The following ACY3 variants were observed in gnomAD, a reference collection of about 807,000 sequenced individuals.
ACY3 encodes the protein aminoacylase 3.
A neutral mutation model predicts 24.6 loss-of-function variants in ACY3; 20 were observed. That is an observed-to-expected ratio of 0.81 (90% CI 0.57 to 1.18). The LOEUF (loss-of-function observed/expected upper bound fraction) is 1.18, where lower values mean the gene tolerates loss of function less well. ACY3 is among the 50% of genes most tolerant of loss of function. The pLI is 0.00. For synonymous variants in ACY3, 174 were observed against 188.4 expected, an observed-to-expected ratio of 0.92 and a Z score of 0.62; for missense variants, 423 against 426.8, an observed-to-expected ratio of 0.99 and a Z score of 0.08.
chr11:67,643,418 G>A (rs976384635), intron 7 of ACY3, among the ~76,000 whole-genome samples: 9 of 152,158 alleles, frequency 5.9e-5, no homozygotes, highest in East Asian at 1.9e-4. Flanking sequence ...AGTGGCTCAC[G>A]CCTGTAATCC....
intron 1 of ACY3, among the ~76,000 whole-genome samples, chr11:67,650,171 G>A (rs2514042): frequency 6.6e-6 from 1 of 152,022 alleles, no homozygotes; most frequent in Non-Finnish European, 1.5e-5. Context: ...GCATCATCAC[G>A]GGGGCCAATT....
intron 1 of ACY3, among the ~76,000 whole-genome samples, chr11:67,649,806 TTGTGTGCA>T (rs1565240530): frequency 7.0e-6 from 1 of 142,654 alleles, no homozygotes; most frequent in Non-Finnish European, 1.5e-5. Context: ...CATGAGAGTA[TTGTGTGCA>T]TGTGTGCATG....
At chr11:67,649,998 G>A (rs1237639350) in intron 1 of ACY3, among the ~76,000 whole-genome samples, 1 of 152,238 alleles carries the variant, frequency 6.6e-6, no homozygotes, top group East Asian at 1.9e-4. Context: ...CAGGCTGTGT[G>A]ACCTGGAGAG....
At position 67,644,374 on chromosome 11, in the gene ACY3, G is replaced by A. The variant is rs375164696; in HGVS notation, c.744+386C>T. Among the ~76,000 whole-genome samples the A allele has an allele frequency of 5.3e-4, 80 of 152,306 alleles. No homozygotes were observed. In the Middle Eastern group the frequency reaches 0.014, roughly 26 times the overall value. ...ACTGCCAACATGCATGGGGATGCTC[G>A]AGGAACCAATTGAAAATCAGAAGAG... On this transcript the variant is annotated intron_variant, in intron 7 of 7. Coordinates refer to ENST00000255082, the MANE Select transcript of ACY3 (RefSeq NM_080658.2).
chr11:67,648,863 G>A (rs1375202890), intron 1 of ACY3, among the ~76,000 whole-genome samples: 1 of 152,226 alleles, frequency 6.6e-6, no homozygotes, highest in Non-Finnish European at 1.5e-5. Flanking sequence ...TCTTGACAGG[G>A]TGTCAAGAGG....
At chr11:67,650,562 A>T (rs964454638) in intron 1 of ACY3, 21 bp downstream of exon 1, 3 of 151,924 alleles carry the variant, frequency 2.0e-5, no homozygotes, top group African/African-American at 4.8e-5. Flanking sequence ...GGGCCGCGGC[A>T]CCTTCCCCGG....
In ACY3 at chr11:67,642,691, G is replaced by C. The variant is rs758931906; in HGVS notation, c.*33C>G. The C allele has an allele frequency of 1.9e-6, 3 of 1,606,126 alleles. No individual in the cohort carries two copies. In the Admixed American group the frequency reaches 5.0e-5, roughly 27 times the overall value. On this transcript the variant is annotated 3_prime_UTR_variant, in exon 8 of 8. Transcript: ENST00000255082. The stretch of plus-strand genomic sequence containing the variant: ...GTGCCTCAGGACCCATCGTTCAGAT[G>C]GGAAGACTGAGGTTGGGGAGGTGTG...
At position 67,645,044 on chromosome 11, in the gene ACY3, C is replaced by G. The variant is rs1314350786; in HGVS notation, c.634+1G>C. 1 of 1,613,682 alleles carries G rather than the reference C, an allele frequency of 6.2e-7. No individual in the cohort carries two copies. Among genetic ancestry groups the G allele is most frequent in the Non-Finnish European group, 8.5e-7 (1 of 1,179,886 alleles). On this transcript the variant is annotated splice_donor_variant, in intron 6 of 7. Coordinates refer to ENST00000255082, the MANE Select transcript of ACY3 (RefSeq NM_080658.2). LOFTEE classifies it high-confidence loss of function. ...TTCCCGAAAGTCCCCTGGGGTCTCA[C>G]CCTGGTTGAAGAGTTCGATGAAGTC...
chr11:67,650,191 C>A (rs78967811), intron 1 of ACY3, among the ~76,000 whole-genome samples: 9,273 of 152,144 alleles, frequency 0.061, 340 homozygotes, highest in East Asian at 0.11. Context: ...TTCCTCACTG[C>A]AGTTGGGGAA....
At chr11:67,647,170 G>T (rs773555169) in intron 2 of ACY3, 107 bp from the exon 3 acceptor site, 1 of 806,904 alleles carries the variant, frequency 1.2e-6, no homozygotes, top group Non-Finnish European at 1.9e-6. Context: ...GTCAAGAGGT[G>T]TGGACAGCTG....
At chr11:67,647,390 G>C (rs2134112103) in intron 2 of ACY3, 126 bp downstream of exon 2, 1 of 235,964 alleles carries the variant, frequency 4.2e-6, no homozygotes, top group East Asian at 8.9e-5. Flanking sequence ...GCACAGCGTG[G>C]GGAGTGGAAA....
chr11:67,645,638 C>A, intron 4 of ACY3, 54 bp downstream of exon 4: 1 of 1,529,306 alleles, frequency 6.5e-7, no homozygotes, highest in South Asian at 1.3e-5. Context: ...TCCCGCCTGC[C>A]CTCCCTCCCT....
At chr11:67,643,244 A>G (rs1042588067) in intron 7 of ACY3, among the ~76,000 whole-genome samples, 1 of 152,234 alleles carries the variant, frequency 6.6e-6, no homozygotes, top group Non-Finnish European at 1.5e-5. Flanking sequence ...TGAGCAAGTC[A>G]CTTAACCTCT....
chr11:67,644,895 C>T (rs894006851), intron 6 of ACY3, 26 bp from the exon 7 acceptor site: 3 of 1,604,378 alleles, frequency 1.9e-6, no homozygotes, highest in Non-Finnish European at 2.6e-6. Context: ...GGTGTGTGAG[C>T]CCATCCCTCC....
At position 67,646,794 on chromosome 11, in the gene ACY3, G is replaced by T. The variant is rs1327825706; in HGVS notation, c.236+14C>A. Reference sequence around the variant, plus strand: ...CCCAACTGCCTGGGCCAACCTGGCGGCAAAAGCACTCACTTGAGGAAGCTG... The same window carrying T: ...CCCAACTGCCTGGGCCAACCTGGCGTCAAAAGCACTCACTTGAGGAAGCTG... On this transcript the variant is annotated intron_variant, in intron 3 of 7. Coordinates refer to ENST00000255082, the MANE Select transcript of ACY3 (RefSeq NM_080658.2). 3.7e-6 allele frequency: 6 copies of T among 1,610,424 alleles called. No individual in the cohort carries two copies. The highest frequency in any genetic ancestry group is 4.2e-6 in the Non-Finnish European group (5 of 1,178,688).
chr11:67,644,294 A>G (rs1328917394), intron 7 of ACY3, among the ~76,000 whole-genome samples: 1 of 152,184 alleles, frequency 6.6e-6, no homozygotes, highest in Non-Finnish European at 1.5e-5. Context: ...AAGGTGTGGA[A>G]GCAGGATTGC....
At chr11:67,646,050 C>T (rs1681156314) in intron 3 of ACY3, among the ~76,000 whole-genome samples, 163 bp from the exon 4 acceptor site, 1 of 152,218 alleles carries the variant, frequency 6.6e-6, no homozygotes, top group African/African-American at 2.4e-5. Flanking sequence ...CCGTGGCCCT[C>T]TTGGCTCTGC....
At position 67,647,057 on chromosome 11, in the gene ACY3, G is replaced by A. The variant is rs1469667693; in HGVS notation, c.-14C>T. ...CAGTGAGCACATGCTGGTGTGGGGT[G>A]CAGAACCTGGGGGTGGGCATACTTA... On this transcript the variant is annotated 5_prime_UTR_variant, in exon 3 of 8. Transcript: ENST00000255082. The A allele has an allele frequency of 6.7e-7, 1 of 1,501,544 alleles. No individual in the cohort carries two copies. Among genetic ancestry groups the A allele is most frequent in the Admixed American group, 2.2e-5 (1 of 45,442 alleles). 93.0% of individuals were successfully genotyped at this position (1,501,544 alleles called of 1,614,324 possible). A position where few individuals can be genotyped will look rare whatever the true frequency, so the allele number is the denominator to read the frequency against.
At chr11:67,645,650 C>T in intron 4 of ACY3, 42 bp downstream of exon 4, 1 of 1,551,062 alleles carries the variant, frequency 6.4e-7, no homozygotes, top group Non-Finnish European at 8.7e-7. Flanking sequence ...TCCCTCCCTC[C>T]CACTCCCCTC....
Sources: gnomAD v4.1 joint callset for allele counts (sites outside exome capture counted in the v4.1 genomes callset) on GRCh38, gnomAD v4.1.1 for gene constraint, MANE v1.5 for transcripts, NCBI Gene and HGNC (gene_info 2026-07-23, HGNC 2026-07-21) for gene names.